KDM3B: variants seen among roughly 807,000 people sequenced by gnomAD.
KDM3B encodes the protein lysine-specific demethylase 3B.
A neutral mutation model predicts 170.0 loss-of-function variants in KDM3B; 10 were observed. That is an observed-to-expected ratio of 0.06 (90% CI 0.04 to 0.10). The LOEUF (loss-of-function observed/expected upper bound fraction) is 0.10, where lower values mean the gene tolerates loss of function less well. Among genes scored for constraint, KDM3B ranks in the 10% least tolerant of loss-of-function variants. KDM3B has a pLI of 1.00. For missense variants in KDM3B, 1,394 were observed against 2,195.2 expected (o/e 0.64, Z 7.29); for synonymous variants, 831 against 834.8 (o/e 1.00, Z 0.08).
At chr5:138,419,915 G>C (rs1763228295) in intron 14 of KDM3B, among the ~76,000 whole-genome samples, 1 of 151,628 alleles carries the variant, frequency 6.6e-6, no homozygotes, top group Non-Finnish European at 1.5e-5. Context: ...TTTTGCTCTT[G>C]TTGCCTGGAG....
intron 6 of KDM3B, among the ~76,000 whole-genome samples, chr5:138,384,701 C>T (rs565846417): frequency 2.0e-5 from 3 of 147,382 alleles, no homozygotes; most frequent in African/African-American, 5.0e-5. Context: ...ATCACACCAT[C>T]GCACTCCAGC....
Position 138,429,855 on chromosome 5 carries a change from G to A in KDM3B, c.4783G>A (p.Ala1595Thr), listed in dbSNP as rs748427407. 1 of 1,614,160 alleles carries A rather than the reference G, an allele frequency of 6.2e-7. No homozygotes were observed. Among genetic ancestry groups the A allele is most frequent in the Admixed American group, 1.7e-5 (1 of 60,024 alleles). Residue 1595 changes from alanine (A) to threonine (T), a missense_variant, in exon 21 of 24, where the codon GCC becomes ACC. By Grantham distance (58) the Ala-to-Thr change is moderately conservative. This residue lies in a region of KDM3B where 79 missense variants were observed against 270.5 expected (regional missense o/e 0.29). Transcript: ENST00000314358. ...EVLKTIDEGD[A>T]DEVTKQRIHD... Reference sequence around the variant, plus strand: ...ACTCAAGACAATTGACGAGGGAGATGCCGATGAGGTGACGAAGCAGAGGAT... The same window carrying A: ...ACTCAAGACAATTGACGAGGGAGATACCGATGAGGTGACGAAGCAGAGGAT...
At position 138,429,791 on chromosome 5, in the gene KDM3B, T is replaced by C. The variant is rs752369474; in HGVS notation, c.4754-35T>C. On this transcript the variant is annotated intron_variant, in intron 20 of 23. Coordinates refer to ENST00000314358, the MANE Select transcript of KDM3B (RefSeq NM_016604.4). ...TTTCACTCAGTGGTACTGAAATGGCTGACTACATTGAAAGTGTCATTTTGC... is the reference window on the plus strand; with the variant it reads ...TTTCACTCAGTGGTACTGAAATGGCCGACTACATTGAAAGTGTCATTTTGC... The C allele has an allele frequency of 6.2e-6, 10 of 1,609,718 alleles. 1 individual carries two copies. In the East Asian group the frequency reaches 2.2e-4, roughly 36 times the overall value.
At chr5:138,383,923 C>T (rs1373019029) in intron 6 of KDM3B, among the ~76,000 whole-genome samples, 3 of 151,374 alleles carry the variant, frequency 2.0e-5, no homozygotes, top group Admixed American at 2.0e-4. Context: ...GCACTCCAGC[C>T]TGGGTGGCAA....
At chr5:138,380,888 T>C (rs912993273) in intron 5 of KDM3B, among the ~76,000 whole-genome samples, 11 of 151,972 alleles carry the variant, frequency 7.2e-5, no homozygotes, top group African/African-American at 2.2e-4. Flanking sequence ...TTTTTTTTCT[T>C]TTTGAGACAG....
intron 11 of KDM3B, among the ~76,000 whole-genome samples, chr5:138,403,565 T>C (rs1762741806): frequency 6.6e-6 from 1 of 151,508 alleles, no homozygotes; most frequent in South Asian, 2.1e-4. Context: ...TAATCCCAGC[T>C]ACTCGGGAAG....
chr5:138,387,554 C>T (rs1426507892), intron 7 of KDM3B, among the ~76,000 whole-genome samples: 1 of 152,144 alleles, frequency 6.6e-6, no homozygotes, highest in East Asian at 1.9e-4. Context: ...CCAGACAAAA[C>T]ATGACAAACG....
intron 15 of KDM3B, among the ~76,000 whole-genome samples, chr5:138,423,319 A>G (rs1339957878): frequency 6.6e-6 from 1 of 152,208 alleles, no homozygotes; most frequent in Non-Finnish European, 1.5e-5. Context: ...TGTTCATCAT[A>G]CTGCCAGTTC....
rs749679910 is a variant in KDM3B, at chr5:138,433,628, C to T, written c.5206-1992C>T. On this transcript the variant is annotated intron_variant, in intron 23 of 23. Coordinates refer to ENST00000314358, the MANE Select transcript of KDM3B (RefSeq NM_016604.4). Reference sequence around the variant, plus strand: ...TTCACCATTTTGGCAAGGCTGGTCTCGAACTCCCGACCTCAGGTGATCTGC... The same window carrying T: ...TTCACCATTTTGGCAAGGCTGGTCTTGAACTCCCGACCTCAGGTGATCTGC... 2.0e-5 allele frequency among the ~76,000 whole-genome samples: 3 copies of T among 151,016 alleles called. No homozygotes were observed. In the East Asian group the frequency reaches 5.9e-4, roughly 30 times the overall value.
rs1763107683 is a variant in KDM3B, at chr5:138,416,541, A to G, written c.3308-942A>G. On this transcript the variant is annotated intron_variant, in intron 12 of 23. Transcript: ENST00000314358. ...GAGGCAGAGGTTGCAGTGAGCCAAG[A>G]TCATGCCACTGCACTACAGCCTAGG... 2.0e-5 allele frequency among the ~76,000 whole-genome samples: 3 copies of G among 149,094 alleles called. No homozygotes were observed. In the South Asian group the frequency reaches 6.4e-4, roughly 32 times the overall value.
In KDM3B at chr5:138,391,504, G is replaced by GC. The variant is rs755194956; in HGVS notation, c.1878dup (p.Lys627GlnfsTer9). ...AGAATCATGAAAATCTATTTTTACAGCCCCCCAAATTGTCCCGAGAAGAGC... is the reference window on the plus strand; with the variant it reads ...AGAATCATGAAAATCTATTTTTACAGCCCCCCCAAATTGTCCCGAGAAGAGC... On this transcript the variant is annotated frameshift_variant, in exon 8 of 24. Transcript: ENST00000314358. LOFTEE classifies it high-confidence loss of function. The surrounding 1 kb of genome is among the most constrained non-coding windows in gnomAD (Gnocchi z 5.0). 6.2e-7 allele frequency: 1 copy of GC among 1,613,998 alleles called. No homozygotes were observed.
At chr5:138,431,348 C>T (rs1763527389) in intron 22 of KDM3B, 77 bp from the exon 23 acceptor site, 2 of 1,227,834 alleles carry the variant, frequency 1.6e-6, no homozygotes, top group Admixed American at 2.7e-5. Context: ...GTTTTTTTAA[C>T]TATATCATGG....
At chr5:138,356,863 C>T (rs958403474) in intron 1 of KDM3B, among the ~76,000 whole-genome samples, 1 of 151,838 alleles carries the variant, frequency 6.6e-6, no homozygotes, top group Non-Finnish European at 1.5e-5. Flanking sequence ...AGGATGGTCT[C>T]GATCTCCTGA....
chr5:138,380,861 C>G (rs1028739032), intron 5 of KDM3B, among the ~76,000 whole-genome samples: 30 of 151,618 alleles, frequency 2.0e-4, no homozygotes, highest in Admixed American at 2.0e-3. Context: ...CCATGCCCAG[C>G]CTGGAGTGAT....
In KDM3B at chr5:138,386,394, T is replaced by A; in HGVS notation, c.1153T>A (p.Tyr385Asn). ...GGDTPASFTP[Y>N]STATGQTPLA... is the part of the protein sequence containing the mutation. ...GGACACACCTGCATCTTTCACTCCA[T>A]ATTCTACAGCCACAGGTCAGACACC... is the stretch of plus-strand genomic sequence containing the variant. The change falls in exon 7 of 24, where the codon TAT becomes AAT. Residue 385 changes from tyrosine to asparagine, a missense_variant. Physicochemically the swap from Tyr to Asn is moderately radical, Grantham distance 143. This residue lies in a region of KDM3B where 205 missense variants were observed against 227.6 expected (regional missense o/e 0.90). Transcript: ENST00000314358. 1 of 1,614,198 alleles carries A rather than the reference T, an allele frequency of 6.2e-7. No individual in the cohort carries two copies.
chr5:138,381,415 G>A (rs1282695064), intron 5 of KDM3B, 101 bp from the exon 6 acceptor site: 2 of 735,980 alleles, frequency 2.7e-6, no homozygotes, highest in East Asian at 2.6e-5. Context: ...ATTCTAGTAG[G>A]TGAGTTGAAT....
intron 6 of KDM3B, among the ~76,000 whole-genome samples, chr5:138,383,351 C>G (rs1762172218): frequency 6.6e-6 from 1 of 152,026 alleles, no homozygotes; most frequent in Non-Finnish European, 1.5e-5. Context: ...ATTGACCAGG[C>G]TGGTGTCAAA....
intron 1 of KDM3B, among the ~76,000 whole-genome samples, chr5:138,356,369 CT>C (rs965299040): frequency 2.6e-5 from 4 of 152,174 alleles, no homozygotes; most frequent in Admixed American, 6.6e-5. Flanking sequence ...GCTTGTTTCT[CT>C]TTACCCTTGC....
intron 13 of KDM3B, 38 bp downstream of exon 13, chr5:138,417,648 A>G (rs1417127539): frequency 1.3e-6 from 2 of 1,599,326 alleles, no homozygotes; most frequent in South Asian, 2.2e-5. Flanking sequence ...AGTGAAGCCT[A>G]AATTTTTTTG....
Sources: gnomAD v4.1 joint callset for allele counts (sites outside exome capture counted in the v4.1 genomes callset) on GRCh38, gnomAD v4.1.1 for gene constraint, gnomAD v4.1.1 regional missense constraint, Gnocchi (gnomAD v3.1) non-coding constraint, MANE v1.5 for transcripts, NCBI Gene and HGNC (gene_info 2026-07-23, HGNC 2026-07-21) for gene names.